The following CNTN3 variants were observed in gnomAD, a reference collection of about 807,000 sequenced individuals.
CNTN3 encodes contactin 3.
CNTN3 carries 60 observed loss-of-function variants against 119.1 expected under a neutral mutation model. The ratio of observed to expected loss-of-function variants is 0.50; its 90% CI spans 0.41 to 0.62. The LOEUF is 0.62. Ranked by LOEUF, CNTN3 falls within the 20% of genes least tolerant of loss-of-function variation. CNTN3 has a pLI of 0.00. For synonymous variants in CNTN3, 450 were observed against 438.7 expected, an observed-to-expected ratio of 1.03 and a Z score of -0.32; for missense variants, 1,101 against 1,242.4, an observed-to-expected ratio of 0.89 and a Z score of 1.71.
chr3:74,499,076 T>G (rs1703115188), intron 3 of CNTN3, among the ~76,000 whole-genome samples: 1 of 522 alleles, frequency 1.9e-3, no homozygotes, highest in African/African-American at 2.7e-3. Context: ...TTTTCTTTTT[T>G]CCTTATACTT....
chr3:74,521,722 T>C (rs1001310990), intron 1 of CNTN3, among the ~76,000 whole-genome samples: 1 of 152,010 alleles, frequency 6.6e-6, no homozygotes, highest in African/African-American at 2.4e-5. Context: ...GATTTTAAAA[T>C]GCTAATGGTA....
At chr3:74,489,174 G>C (rs1702915676) in intron 3 of CNTN3, among the ~76,000 whole-genome samples, 1 of 152,048 alleles carries the variant, frequency 6.6e-6, no homozygotes, top group Non-Finnish European at 1.5e-5. Flanking sequence ...GAGTCTGTTG[G>C]AGACGCAGAA....
intron 1 of CNTN3, among the ~76,000 whole-genome samples, chr3:74,524,933 T>A (rs960825750): frequency 2.0e-5 from 3 of 151,794 alleles, no homozygotes; most frequent in Admixed American, 6.6e-5. Flanking sequence ...ACTAAAGAGA[T>A]GAAATACACG....
chr3:74,519,223 T>A (rs1194204893), intron 2 of CNTN3, among the ~76,000 whole-genome samples: 1 of 151,814 alleles, frequency 6.6e-6, no homozygotes, highest in Non-Finnish European at 1.5e-5. Context: ...TATAATTACA[T>A]ATAATTTGTC....
chr3:74,570,939 A>G (rs1704323433), intron 1 of CNTN3, among the ~76,000 whole-genome samples: 1 of 152,218 alleles, frequency 6.6e-6, no homozygotes, highest in South Asian at 2.1e-4. Context: ...TTTAATCTGT[A>G]GACTTCACTT....
intron 4 of CNTN3, among the ~76,000 whole-genome samples, chr3:74,425,410 G>C (rs1701680160): frequency 6.6e-6 from 1 of 152,116 alleles, no homozygotes; most frequent in African/African-American, 2.4e-5. Flanking sequence ...AAAACCATTT[G>C]CTTTGAGGTA....
chr3:74,319,859 A>G (rs1186523701), intron 13 of CNTN3, among the ~76,000 whole-genome samples: 3 of 152,118 alleles, frequency 2.0e-5, no homozygotes, highest in African/African-American at 7.2e-5. Context: ...CAGGTGAAGG[A>G]GATGAACAGA....
At chr3:74,442,145 G>C (rs1360975336) in intron 4 of CNTN3, among the ~76,000 whole-genome samples, 2 of 102,410 alleles carry the variant, frequency 2.0e-5, no homozygotes, top group Admixed American at 1.1e-4. Flanking sequence ...GTGCATGCAA[G>C]TACACACACA....
At chr3:74,596,242 G>T (rs576028934) in intron 1 of CNTN3, among the ~76,000 whole-genome samples, 1 of 147,160 alleles carries the variant, frequency 6.8e-6, no homozygotes, top group Admixed American at 6.6e-5. Flanking sequence ...AATCAATATC[G>T]TGAAAGTGGC....
intron 2 of CNTN3, among the ~76,000 whole-genome samples, chr3:74,511,937 A>G (rs1281116213): frequency 6.6e-6 from 1 of 152,152 alleles, no homozygotes; most frequent in Admixed American, 6.6e-5. Context: ...TAGGAGGAAC[A>G]GTGACTCTGG....
At chr3:74,422,312 C>T (rs1024635297) in intron 5 of CNTN3, among the ~76,000 whole-genome samples, 4 of 152,174 alleles carry the variant, frequency 2.6e-5, no homozygotes, top group Admixed American at 2.0e-4. Context: ...ATTTGCTCTC[C>T]TATGCATGCT....
chr3:74,552,033 G>A (rs371343749), intron 1 of CNTN3, among the ~76,000 whole-genome samples: 16 of 151,872 alleles, frequency 1.1e-4, no homozygotes, highest in African/African-American at 3.9e-4. Context: ...CAAAGTGTTG[G>A]CATTACAGGT....
chr3:74,494,401 G>C (rs1417376796), intron 3 of CNTN3, among the ~76,000 whole-genome samples: 1 of 152,072 alleles, frequency 6.6e-6, no homozygotes, highest in Admixed American at 6.6e-5. Flanking sequence ...CTACTGACAG[G>C]ATTAGCTTCA....
At chr3:74,297,408 T>C (rs12496063) in intron 18 of CNTN3, among the ~76,000 whole-genome samples, 64,224 of 149,978 alleles carry the variant, frequency 0.43, 13,966 homozygotes, top group South Asian at 0.6. Flanking sequence ...AACACGGGTG[T>C]ACAGAAACAT....
At chr3:74,358,767 C>A (rs1338087177) in intron 11 of CNTN3, among the ~76,000 whole-genome samples, 4 of 115,674 alleles carry the variant, frequency 3.5e-5, no homozygotes, top group East Asian at 3.1e-4. Flanking sequence ...CCCCTCCCCC[C>A]ACCCCACAAC....
chr3:74,346,328 TTAGA>T (rs1166464930), intron 11 of CNTN3, among the ~76,000 whole-genome samples: 1 of 152,028 alleles, frequency 6.6e-6, no homozygotes, highest in African/African-American at 2.4e-5. Context: ...ATGTAAAAGG[TTAGA>T]AAATAATCTC....
chr3:74,321,146 G>T (rs954612614), intron 13 of CNTN3, among the ~76,000 whole-genome samples: 2 of 152,074 alleles, frequency 1.3e-5, no homozygotes, highest in Non-Finnish European at 2.9e-5. Context: ...GAGGAGGACT[G>T]GGGGCACAAG....
intron 2 of CNTN3, among the ~76,000 whole-genome samples, chr3:74,515,188 A>C (rs1219248158): frequency 6.6e-6 from 1 of 152,048 alleles, no homozygotes; most frequent in East Asian, 1.9e-4. Context: ...GCAAAAAGAA[A>C]ATTTTTAAAA....
chr3:74,357,329 G>A (rs1013396045), intron 11 of CNTN3, among the ~76,000 whole-genome samples: 35 of 152,044 alleles, frequency 2.3e-4, no homozygotes, highest in Admixed American at 1.8e-3. Flanking sequence ...TGTTGCCCAG[G>A]CTGGAGTGCA....
Sources: allele counts gnomAD v4.1 joint callset (sites outside exome capture counted in the v4.1 genomes callset), GRCh38; gene constraint gnomAD v4.1.1; transcripts MANE v1.5; gene names NCBI Gene and HGNC (gene_info 2026-07-23, HGNC 2026-07-21).